NALF1: variants seen among roughly 807,000 people sequenced by gnomAD.
NALF1 encodes family with sequence similarity 155 member A.
A neutral mutation model predicts 48.4 loss-of-function variants in NALF1; 3 were observed. The ratio of observed to expected loss-of-function variants is 0.06; its 90% CI spans 0.03 to 0.16. The LOEUF (loss-of-function observed/expected upper bound fraction) is 0.16, where lower values mean the gene tolerates loss of function less well. NALF1 is among the 10% of genes least tolerant of loss of function. The probability of loss-of-function intolerance (pLI) is 1.00; values close to 1 mark genes in which losing one functional copy is unlikely to be tolerated. For missense variants in NALF1, 526 were observed against 571.5 expected (o/e 0.92, Z 0.81); for synonymous variants, 262 against 245.7 (o/e 1.07, Z -0.62).
intron 1 of NALF1, among the ~76,000 whole-genome samples, chr13:107,481,758 C>G (rs1224493423): frequency 6.6e-6 from 1 of 152,078 alleles, no homozygotes; most frequent in Non-Finnish European, 1.5e-5. Flanking sequence ...ATAAGCAACA[C>G]TTCTTGGAAA....
chr13:107,758,915 A>T (rs1037765964), intron 1 of NALF1, among the ~76,000 whole-genome samples: 7 of 152,128 alleles, frequency 4.6e-5, no homozygotes, highest in African/African-American at 1.7e-4. Flanking sequence ...CTGAAACCCT[A>T]CCTCCAAATG....
intron 1 of NALF1, among the ~76,000 whole-genome samples, chr13:107,325,887 T>TATATATATATATACACACAC (rs752320518): frequency 1.7e-5 from 1 of 58,876 alleles, no homozygotes; most frequent in Admixed American, 2.1e-4. Context: ...TATATATATA[T>TATATATATATATACACACAC]ACACACACAC....
intron 1 of NALF1, among the ~76,000 whole-genome samples, chr13:107,425,884 G>A (rs1156734025): frequency 6.6e-6 from 1 of 152,008 alleles, no homozygotes; most frequent in Non-Finnish European, 1.5e-5. Flanking sequence ...GATATTGGAT[G>A]TCTACATACT....
chr13:107,245,919 G>A (rs1880573617), intron 1 of NALF1, among the ~76,000 whole-genome samples: 2 of 151,970 alleles, frequency 1.3e-5, no homozygotes, highest in African/African-American at 4.8e-5. Flanking sequence ...CCTCCTGAAT[G>A]AGCACCCCAC....
At position 107,619,340 on chromosome 13, in the gene NALF1, A is replaced by G. The variant is rs775631083; in HGVS notation, c.915+246342T>C. ...TCAAGATGTGTACAGAGAGGATGGA[A>G]GAGCACTGACCTGGGTTTGTGAGAA... On this transcript the variant is annotated intron_variant, in intron 1 of 2. Transcript: ENST00000375915. Among the ~76,000 whole-genome samples the G allele has an allele frequency of 2.0e-5, 3 of 152,322 alleles. No individual in the cohort carries two copies. The South Asian group carries it at 6.2e-4, about 32-fold the overall frequency.
intron 1 of NALF1, among the ~76,000 whole-genome samples, chr13:107,643,028 A>G (rs1246679041): frequency 6.6e-6 from 1 of 152,144 alleles, no homozygotes; most frequent in Non-Finnish European, 1.5e-5. Context: ...CATCCCACAC[A>G]GCTGACTGTT....
intron 1 of NALF1, among the ~76,000 whole-genome samples, chr13:107,794,347 C>G (rs1344972781): frequency 6.6e-6 from 1 of 152,006 alleles, no homozygotes. Context: ...CTTGAATAAT[C>G]GTTGAGTCCT....
chr13:107,741,147 G>C (rs1311151812), intron 1 of NALF1, among the ~76,000 whole-genome samples: 1 of 152,096 alleles, frequency 6.6e-6, no homozygotes, highest in African/African-American at 2.4e-5. Context: ...ATATGTCTGG[G>C]CTCATCCACA....
chr13:107,200,359 G>C lies in NALF1; in HGVS notation c.1087+10225C>G, dbSNP rs530844751. The stretch of plus-strand genomic sequence containing the variant: ...TGGGTCCCAAAGAGGAAGTGATGAT[G>C]AATGAGCTCGGGGGGCGGTGGGAAA... On this transcript the variant is annotated intron_variant, in intron 2 of 2. Transcript: ENST00000375915. 2.6e-5 allele frequency among the ~76,000 whole-genome samples: 4 copies of C among 152,320 alleles called. No homozygotes were observed. The East Asian group carries it at 7.7e-4, about 29-fold the overall frequency.
chr13:107,527,504 C>T (rs1423423077), intron 1 of NALF1, among the ~76,000 whole-genome samples: 1 of 152,130 alleles, frequency 6.6e-6, no homozygotes, highest in Non-Finnish European at 1.5e-5. Context: ...CACAAACATA[C>T]ACGTTTTCCA....
intron 1 of NALF1, among the ~76,000 whole-genome samples, chr13:107,437,459 T>C (rs1432114410): frequency 6.6e-6 from 1 of 152,232 alleles, no homozygotes; most frequent in Non-Finnish European, 1.5e-5. Context: ...ATTATTCATA[T>C]GGTTCATAAT....
intron 1 of NALF1, among the ~76,000 whole-genome samples, chr13:107,594,630 A>C (rs1329440658): frequency 6.6e-6 from 1 of 152,132 alleles, no homozygotes; most frequent in African/African-American, 2.4e-5. Flanking sequence ...AACGATAAAA[A>C]TAGTGATGGC....
chr13:107,586,004 T>G (rs927064544), intron 1 of NALF1, among the ~76,000 whole-genome samples: 16 of 152,108 alleles, frequency 1.1e-4, no homozygotes, highest in African/African-American at 3.1e-4. Context: ...TGTGAAAAGT[T>G]GAGATCTGGA....
At chr13:107,231,645 A>G (rs1431402757) in intron 1 of NALF1, among the ~76,000 whole-genome samples, 1 of 152,250 alleles carries the variant, frequency 6.6e-6, no homozygotes, top group African/African-American at 2.4e-5. Flanking sequence ...GTAATATACA[A>G]AAAAGCTATT....
At chr13:107,176,316 G>GTTTTT (rs5806633) in intron 2 of NALF1, among the ~76,000 whole-genome samples, 2 of 123,604 alleles carry the variant, frequency 1.6e-5, no homozygotes, top group Non-Finnish European at 3.3e-5. Context: ...CAACCTCACA[G>GTTTTT]TTTTTTTTTT....
At chr13:107,245,137 G>A (rs1030503668) in intron 1 of NALF1, among the ~76,000 whole-genome samples, 6 of 152,180 alleles carry the variant, frequency 3.9e-5, no homozygotes, top group African/African-American at 1.4e-4. Flanking sequence ...TTATGGCTTT[G>A]TAATATTGTT....
chr13:107,603,275 T>C (rs74112286), intron 1 of NALF1, among the ~76,000 whole-genome samples: 2,174 of 152,290 alleles, frequency 0.014, 54 homozygotes, highest in African/African-American at 0.05. Flanking sequence ...GACTCATGAC[T>C]CCATTTGCTG....
chr13:107,350,257 C>T (rs530521940), intron 1 of NALF1, among the ~76,000 whole-genome samples: 3 of 152,264 alleles, frequency 2.0e-5, no homozygotes, highest in Admixed American at 6.5e-5. Context: ...GTTACTAAGA[C>T]TCAAATGTAT....
At position 107,362,685 on chromosome 13, in the gene NALF1, TG is replaced by T. The variant is rs145875379; in HGVS notation, c.916-151931del. 6.6e-6 allele frequency among the ~76,000 whole-genome samples: 1 copy of T among 152,038 alleles called. No homozygotes were observed. Among genetic ancestry groups the T allele is most frequent in the Non-Finnish European group, 1.5e-5 (1 of 68,012 alleles). On this transcript the variant is annotated intron_variant, in intron 1 of 2. Transcript: ENST00000375915. This position sits in a 1 kb window ranked among gnomAD's most constrained non-coding sequence, Gnocchi z 4.6. ...GAGTTAGGACCTCAACATATTTTGC[TG>T]GGGGGACACAATTCTACCACCGACA...
Sources: allele counts gnomAD v4.1 joint callset (sites outside exome capture counted in the v4.1 genomes callset), GRCh38; gene constraint gnomAD v4.1.1; non-coding constraint Gnocchi (gnomAD v3.1); transcripts MANE v1.5; gene names NCBI Gene and HGNC (gene_info 2026-07-23, HGNC 2026-07-21).